Variants in CT55 observed in about 807,000 individuals in gnomAD.
CT55 encodes BRCA2-interacting protein.
Under a neutral mutation model 12.6 loss-of-function variants are expected in CT55, and 1 was observed. The observed-to-expected ratio is 0.08, with a 90% confidence interval of 0.03 to 0.38. The LOEUF is 0.38. Ranked by LOEUF, CT55 falls within the 10% of genes least tolerant of loss-of-function variation. The pLI is 0.99. For missense variants in CT55, 109 were observed against 135.4 expected (o/e 0.80, Z 0.97); for synonymous variants, 43 against 49.7 (o/e 0.87, Z 0.57).
At position 135,171,382 on chromosome X, in the gene CT55, C is replaced by G; in HGVS notation, c.-211G>C. 1 of 680,215 alleles carries G rather than the reference C, an allele frequency of 1.5e-6. No homozygotes were observed. The highest frequency in any genetic ancestry group is 2.1e-6 in the Non-Finnish European group (1 of 487,770). The allele number at this position is 680,215 out of a possible 1,213,427, so 56.1% of individuals were successfully genotyped here. On this transcript the variant is annotated 5_prime_UTR_variant, in exon 1 of 6. Transcript: ENST00000276241. ...CCTCCAAAGGAGCTCCCAGCTTCTC[C>G]GCTGACTTCTCCCTCTGAGCATGCG...
intron 2 of CT55, among the ~76,000 whole-genome samples, chrX:135,167,064 C>T (rs1477049548): frequency 8.9e-6 from 1 of 111,897 alleles, no homozygotes; most frequent in Non-Finnish European, 1.9e-5. Flanking sequence ...TATGAAAATA[C>T]CAATGACATT....
In CT55 at chrX:135,171,120, G is replaced by T. The variant is rs1417791926; in HGVS notation, c.52C>A (p.Pro18Thr). ...ALAFYGRTADPAERQGPQQQG... is the reference protein window; with the variant it reads ...ALAFYGRTADTAERQGPQQQG... The stretch of plus-strand genomic sequence containing the variant: ...TGCTGTGGGCCCTGTCGCTCTGCAG[G>T]GTCGGCCGTCCTCCCGTAGAAGGCC... The change falls in exon 1 of 6, where the codon CCT becomes ACT. Residue 18 changes from proline to threonine, a missense_variant. By Grantham distance (38) the Pro-to-Thr change is conservative (BLOSUM62 -1). Transcript: ENST00000276241. The T allele has an allele frequency of 8.3e-7, 1 of 1,209,835 alleles. No homozygotes were observed. The highest frequency in any genetic ancestry group is 1.8e-5 in the African/African-American group (1 of 57,120).
At chrX:135,165,784 A>G (rs2083580889) in intron 2 of CT55, among the ~76,000 whole-genome samples, 1 of 110,628 alleles carries the variant, frequency 9.0e-6, no homozygotes, top group African/African-American at 3.3e-5. Flanking sequence ...AAGGAAGATT[A>G]TGAACAATCA....
chrX:135,160,612 T>C (rs1556405032), intron 2 of CT55, 57 bp from the exon 3 acceptor site: 1 of 1,116,008 alleles, frequency 9.0e-7, no homozygotes, highest in Non-Finnish European at 1.2e-6. Flanking sequence ...AACATGGAAC[T>C]TACATGATTA....
chrX:135,164,279 T>C (rs1462098873), intron 2 of CT55, among the ~76,000 whole-genome samples: 1 of 112,090 alleles, frequency 8.9e-6, no homozygotes, highest in African/African-American at 3.2e-5. Context: ...AAGTGTGAAA[T>C]AGAAAACTCA....
At chrX:135,169,908 T>C (rs1174691669) in intron 1 of CT55, 130 bp from the exon 2 acceptor site, 2 of 338,459 alleles carry the variant, frequency 5.9e-6, no homozygotes, top group African/African-American at 5.4e-5. Context: ...CTTGTTTTCA[T>C]CTGTCAATCC....
chrX:135,169,391 T>C (rs1556406441), intron 2 of CT55, among the ~76,000 whole-genome samples: 1 of 112,337 alleles, frequency 8.9e-6, no homozygotes, highest in Admixed American at 9.4e-5. Flanking sequence ...AATAGATAAG[T>C]AAGCTTTTAT....
chrX:135,168,157 C>T (rs1395363662), intron 2 of CT55, among the ~76,000 whole-genome samples: 2 of 112,272 alleles, frequency 1.8e-5, no homozygotes, highest in African/African-American at 3.2e-5. Flanking sequence ...TTTGTTGCAG[C>T]CCTATTCACA....
chrX:135,163,003 A>G (rs782312428), intron 2 of CT55, among the ~76,000 whole-genome samples: 3 of 111,853 alleles, frequency 2.7e-5, no homozygotes, highest in African/African-American at 9.7e-5. Context: ...GCATCCCCCT[A>G]GTGCTTCAAT....
intron 2 of CT55, 108 bp from the exon 3 acceptor site, chrX:135,160,663 A>C: frequency 1.1e-6 from 1 of 874,006 alleles, no homozygotes; most frequent in Non-Finnish European, 1.5e-6. Context: ...GCCATCCTAA[A>C]CACTGGAGAA....
Position 135,158,451 on chromosome X carries a change from A to C in CT55, c.425-140T>G, listed in dbSNP as rs187731311. ...CCATTTTGTGCATATTTAAACAGAC[A>C]CTACAAATCTCTAAGTCCAAAAAGA... On this transcript the variant is annotated intron_variant, in intron 3 of 5. Transcript: ENST00000276241. The C allele has an allele frequency of 2.8e-4, 116 of 410,615 alleles. 2 individuals carry two copies. The highest frequency in any genetic ancestry group is 2.8e-3 in the African/African-American group (112 of 40,194). 33.8% of individuals were successfully genotyped at this position (410,615 alleles called of 1,213,427 possible).
chrX:135,170,967 A>G, intron 1 of CT55, 111 bp downstream of exon 1: 1 of 1,100,131 alleles, frequency 9.1e-7, no homozygotes, highest in Non-Finnish European at 1.2e-6. Flanking sequence ...AGATGGAGCC[A>G]CCGTCACGTG....
intron 2 of CT55, among the ~76,000 whole-genome samples, chrX:135,168,437 G>C (rs1367297141): frequency 1.8e-5 from 2 of 111,735 alleles, no homozygotes; most frequent in Admixed American, 1.9e-4. Context: ...CCAGACGCTT[G>C]TGTTGTTAGG....
intron 2 of CT55, among the ~76,000 whole-genome samples, chrX:135,164,723 G>GAAGACATGA (rs2083576015): frequency 2.7e-5 from 3 of 111,862 alleles, no homozygotes; most frequent in Middle Eastern, 4.6e-3. Flanking sequence ...AACTGAAAGT[G>GAAGACATGA]AAGACATGAA....
At chrX:135,158,669 T>C (rs1556404598) in intron 3 of CT55, among the ~76,000 whole-genome samples, 2 of 112,253 alleles carry the variant, frequency 1.8e-5, no homozygotes, top group African/African-American at 6.5e-5. Context: ...CCTGGCTATG[T>C]GGCTTCGAAT....
rs782780501 is a variant in CT55 at position 135,171,124 on chromosome X, G to C, written c.48C>G (p.Ala16=). 3 of 1,209,780 alleles carry C rather than the reference G, an allele frequency of 2.5e-6. No individual in the cohort carries two copies. Among genetic ancestry groups the C allele is most frequent in the African/African-American group, 1.8e-5 (1 of 57,104 alleles). The change falls in exon 1 of 6, where the codon GCC becomes GCG. Residue 16 remains alanine (A), a synonymous_variant. Coordinates refer to ENST00000276241, the MANE Select transcript of CT55 (RefSeq NM_001031705.3). ...RLALAFYGRT[A]DPAERQGPQQ... The stretch of plus-strand genomic sequence containing the variant: ...GTGGGCCCTGTCGCTCTGCAGGGTC[G>C]GCCGTCCTCCCGTAGAAGGCCAAAG...
chrX:135,161,260 T>A (rs1556405134), intron 2 of CT55, among the ~76,000 whole-genome samples: 3 of 111,828 alleles, frequency 2.7e-5, no homozygotes, highest in South Asian at 7.6e-4. Flanking sequence ...CCTTATTTTA[T>A]AATCCTTAAA....
chrX:135,160,862 A>G (rs782557823), intron 2 of CT55, among the ~76,000 whole-genome samples: 3 of 112,101 alleles, frequency 2.7e-5, no homozygotes, highest in East Asian at 2.8e-4. Context: ...AAATGACGGT[A>G]AAGTGGAAAG....
At chrX:135,161,897 G>A (rs1299764373) in intron 2 of CT55, among the ~76,000 whole-genome samples, 2 of 112,210 alleles carry the variant, frequency 1.8e-5, no homozygotes, top group African/African-American at 6.5e-5. Flanking sequence ...CACCACTTCC[G>A]TCAGTATCCC....
Sources: gnomAD v4.1 joint callset for allele counts (sites outside exome capture counted in the v4.1 genomes callset) on GRCh38, gnomAD v4.1.1 for gene constraint, MANE v1.5 for transcripts, NCBI Gene and HGNC (gene_info 2026-07-23, HGNC 2026-07-21) for gene names.